The following MACROD2 variants were observed in gnomAD, a reference collection of about 807,000 sequenced individuals.
MACROD2 encodes ADP-ribose glycohydrolase MACROD2.
A neutral mutation model predicts 70.4 loss-of-function variants in MACROD2; 36 were observed. The ratio of observed to expected loss-of-function variants is 0.51; its 90% CI spans 0.39 to 0.68. MACROD2 has a LOEUF of 0.68. MACROD2 is among the 30% of genes least tolerant of loss of function. MACROD2 has a pLI of 0.00. For synonymous variants in MACROD2, 172 were observed against 178.8 expected (o/e 0.96, Z 0.30); for missense variants, 496 against 538.4 (o/e 0.92, Z 0.78).
intron 8 of MACROD2, among the ~76,000 whole-genome samples, chr20:15,777,403 C>T (rs1444622266): frequency 1.3e-5 from 2 of 150,210 alleles, no homozygotes; most frequent in Non-Finnish European, 3.0e-5. Context: ...GTCCAACTGT[C>T]CTATTTTCTG....
At chr20:14,550,422 A>G (rs1978577687) in intron 4 of MACROD2, among the ~76,000 whole-genome samples, 1 of 152,068 alleles carries the variant, frequency 6.6e-6, no homozygotes, top group African/African-American at 2.4e-5. Flanking sequence ...TTGTATTAGG[A>G]GGTGGGGCCT....
At chr20:14,812,369 A>G (rs959856043) in intron 5 of MACROD2, among the ~76,000 whole-genome samples, 1 of 151,974 alleles carries the variant, frequency 6.6e-6, no homozygotes, top group African/African-American at 2.4e-5. Context: ...GAATTGAACA[A>G]TGGTAACATA....
Position 13,995,894 on chromosome 20 carries a change from T to A in MACROD2, c.46+85T>A. 1 of 1,476,670 alleles carries A rather than the reference T, an allele frequency of 6.8e-7. No homozygotes were observed. The highest frequency in any genetic ancestry group is 9.2e-7 in the Non-Finnish European group (1 of 1,083,576). 91.5% of individuals were successfully genotyped at this position (1,476,670 alleles called of 1,614,324 possible). ...TCAGGCTGTGTGTGCCGCGGCGCCC[T>A]CCGCCCGAGCTCCCGCCTCGCGCCC... On this transcript the variant is annotated intron_variant, in intron 1 of 17. Coordinates refer to ENST00000684519, the MANE Select transcript of MACROD2 (RefSeq NM_001351661.2). This position sits in a 1 kb window ranked among gnomAD's most constrained non-coding sequence, Gnocchi z 4.3.
At position 14,301,586 on chromosome 20, in the gene MACROD2, A is replaced by G. The variant is rs114246182; in HGVS notation, c.272-191893A>G. 2.3e-3 allele frequency among the ~76,000 whole-genome samples: 343 copies of G among 152,330 alleles called. 1 individual carries two copies. The highest frequency in any genetic ancestry group is 7.9e-3 in the African/African-American group (328 of 41,588). ...CTAAAGCAAGAACATACTGAAATGA[A>G]TGGTGAATAGTTGGTTCCTTGTCAT... is the stretch of plus-strand genomic sequence containing the variant. On this transcript the variant is annotated intron_variant, in intron 3 of 17. Coordinates refer to ENST00000684519, the MANE Select transcript of MACROD2 (RefSeq NM_001351661.2).
chr20:14,995,343 C>T (rs766470620), intron 5 of MACROD2, among the ~76,000 whole-genome samples: 1 of 151,624 alleles, frequency 6.6e-6, no homozygotes, highest in South Asian at 2.1e-4. Flanking sequence ...AAAAATTAGA[C>T]GTAAGATGAA....
chr20:14,281,722 G>A (rs2082307487), intron 3 of MACROD2, among the ~76,000 whole-genome samples: 1 of 151,892 alleles, frequency 6.6e-6, no homozygotes. Flanking sequence ...GGATCACAAG[G>A]TCAGGAGTTA....
chr20:14,577,814 G>GAAGAGAAGAGAAGAT (rs1980707503), intron 4 of MACROD2, among the ~76,000 whole-genome samples: 1 of 151,634 alleles, frequency 6.6e-6, no homozygotes, highest in Admixed American at 6.6e-5. Context: ...GAAGAGAAGA[G>GAAGAGAAGAGAAGAT]AAGAGAAGAG....
chr20:14,394,840 A>G (rs1385354585), intron 3 of MACROD2, among the ~76,000 whole-genome samples: 2 of 152,166 alleles, frequency 1.3e-5, no homozygotes, highest in African/African-American at 2.4e-5. Flanking sequence ...TTATGCATCT[A>G]TTGATATGAT....
chr20:14,272,272 C>T (rs1266184640), intron 3 of MACROD2, among the ~76,000 whole-genome samples: 1 of 152,112 alleles, frequency 6.6e-6, no homozygotes, highest in South Asian at 2.1e-4. Context: ...CAAAGGGAAG[C>T]CCATCAGACT....
intron 5 of MACROD2, among the ~76,000 whole-genome samples, chr20:15,056,487 CCAGCAGTATGTAGA>C (rs1324457480): frequency 3.3e-5 from 5 of 152,092 alleles, no homozygotes; most frequent in African/African-American, 1.2e-4. Context: ...TAGATTCTGG[CCAGCAGTATGTAGA>C]CAGCAGTAAT....
chr20:15,162,658 A>T (rs182176982), intron 5 of MACROD2, among the ~76,000 whole-genome samples: 1 of 152,182 alleles, frequency 6.6e-6, no homozygotes, highest in Non-Finnish European at 1.5e-5. Flanking sequence ...AGCAACAGTA[A>T]ATGCTGTGTG....
chr20:15,804,138 G>C (rs550443585), intron 8 of MACROD2, among the ~76,000 whole-genome samples: 3 of 152,172 alleles, frequency 2.0e-5, no homozygotes, highest in Admixed American at 1.3e-4. Flanking sequence ...TCATGACCTT[G>C]AGAAGTTCTA....
At chr20:14,384,715 T>A (rs1003001114) in intron 3 of MACROD2, among the ~76,000 whole-genome samples, 12 of 152,134 alleles carry the variant, frequency 7.9e-5, no homozygotes, top group Non-Finnish European at 1.8e-4. Context: ...CAATATATAA[T>A]GTTTATTTTA....
At chr20:15,286,129 G>A (rs2077489214) in intron 6 of MACROD2, among the ~76,000 whole-genome samples, 1 of 152,112 alleles carries the variant, frequency 6.6e-6, no homozygotes, top group South Asian at 2.1e-4. Context: ...ATGGAGGCAA[G>A]AAATTCATCA....
At chr20:15,849,100 C>T (rs1236894152) in intron 8 of MACROD2, among the ~76,000 whole-genome samples, 4 of 152,134 alleles carry the variant, frequency 2.6e-5, no homozygotes, top group African/African-American at 4.8e-5. Context: ...ACAGATGTAA[C>T]TCACCATTTT....
chr20:15,410,976 C>T (rs2097389442), intron 6 of MACROD2, among the ~76,000 whole-genome samples: 1 of 152,132 alleles, frequency 6.6e-6, no homozygotes, highest in African/African-American at 2.4e-5. Context: ...TAGGCAACAA[C>T]ATATCTTGAA....
intron 5 of MACROD2, among the ~76,000 whole-genome samples, chr20:14,773,216 C>G (rs1214651123): frequency 6.6e-6 from 1 of 152,068 alleles, no homozygotes; most frequent in Admixed American, 6.6e-5. Flanking sequence ...AATAATAAAT[C>G]AGGTTTCCCT....
chr20:14,028,225 G>A (rs1355217171), intron 2 of MACROD2, among the ~76,000 whole-genome samples: 1 of 152,182 alleles, frequency 6.6e-6, no homozygotes, highest in Admixed American at 6.5e-5. Context: ...GGGGAAAGCT[G>A]CCTCCTCAAG....
intron 5 of MACROD2, among the ~76,000 whole-genome samples, chr20:15,092,633 A>G (rs1266916850): frequency 6.6e-6 from 1 of 151,958 alleles, no homozygotes; most frequent in Non-Finnish European, 1.5e-5. Flanking sequence ...TACAAATCCA[A>G]CTTCAAGTTT....
Sources: allele counts gnomAD v4.1 joint callset (sites outside exome capture counted in the v4.1 genomes callset), GRCh38; gene constraint gnomAD v4.1.1; non-coding constraint Gnocchi (gnomAD v3.1); transcripts MANE v1.5; gene names NCBI Gene and HGNC (gene_info 2026-07-23, HGNC 2026-07-21).